The following CECR2 variants were observed in gnomAD, a reference collection of about 807,000 sequenced individuals.
CECR2 encodes chromatin remodeling regulator CECR2.
CECR2 carries 30 observed loss-of-function variants against 154.5 expected under a neutral mutation model. That is an observed-to-expected ratio of 0.19 (90% CI 0.15 to 0.26). The LOEUF (loss-of-function observed/expected upper bound fraction) is 0.26, where lower values mean the gene tolerates loss of function less well. Among genes scored for constraint, CECR2 ranks in the 10% least tolerant of loss-of-function variants. CECR2 has a pLI of 1.00. For synonymous variants in CECR2, 725 were observed against 683.7 expected, an observed-to-expected ratio of 1.06 and a Z score of -0.94; for missense variants, 1,743 against 1,829.3, an observed-to-expected ratio of 0.95 and a Z score of 0.86.
At chr22:17,419,685 TA>T in intron 1 of CECR2, 2 of 159,406 alleles carry the variant, frequency 1.3e-5, no homozygotes, top group South Asian at 2.6e-4. Context: ...CAGGCCTTCC[TA>T]AAAAATAGTG....
intron 3 of CECR2, among the ~76,000 whole-genome samples, chr22:17,498,721 T>G (rs2055678671): frequency 6.6e-6 from 1 of 152,122 alleles, no homozygotes; most frequent in Non-Finnish European, 1.5e-5. Context: ...GGGGCAAAGC[T>G]TGCCCCGTGC....
chr22:17,516,171 G>C (rs1463336330), intron 8 of CECR2, among the ~76,000 whole-genome samples: 1 of 152,072 alleles, frequency 6.6e-6, no homozygotes, highest in African/African-American at 2.4e-5. Context: ...CCAAAGAGGA[G>C]AGGGACAGAT....
chr22:17,451,121 C>T (rs1295146778), intron 1 of CECR2, among the ~76,000 whole-genome samples: 1 of 152,194 alleles, frequency 6.6e-6, no homozygotes, highest in Non-Finnish European at 1.5e-5. Flanking sequence ...GCTTCATCTA[C>T]CTGAAAGAAA....
chr22:17,388,613 G>A (rs1437046309), intron 1 of CECR2, among the ~76,000 whole-genome samples: 2 of 152,146 alleles, frequency 1.3e-5, no homozygotes, highest in Admixed American at 6.5e-5. Context: ...AGCTAGTGTC[G>A]TGGTATTAGA....
At chr22:17,414,463 T>G (rs2054125240) in intron 1 of CECR2, among the ~76,000 whole-genome samples, 1 of 151,554 alleles carries the variant, frequency 6.6e-6, no homozygotes, top group South Asian at 2.1e-4. Context: ...TTTCTTTTTT[T>G]TTTTTTTAGA....
intron 5 of CECR2, among the ~76,000 whole-genome samples, chr22:17,501,725 C>T (rs1047768442): frequency 6.6e-6 from 1 of 152,162 alleles, no homozygotes; most frequent in African/African-American, 2.4e-5. Context: ...ACACCTGTTT[C>T]CGGGTTTGTT....
At chr22:17,478,578 A>C (rs2055251072) in intron 2 of CECR2, among the ~76,000 whole-genome samples, 1 of 151,884 alleles carries the variant, frequency 6.6e-6, no homozygotes, top group African/African-American at 2.4e-5. Context: ...GATGGTCTCG[A>C]TCTCCCGACC....
At chr22:17,547,376 C>T (rs2056630429) in intron 16 of CECR2, among the ~76,000 whole-genome samples, 1 of 151,926 alleles carries the variant, frequency 6.6e-6, no homozygotes, top group Admixed American at 6.6e-5. Flanking sequence ...ACTGCAGGTG[C>T]CGGCCACCAC....
At chr22:17,402,370 C>T (rs969473012) in intron 1 of CECR2, among the ~76,000 whole-genome samples, 1 of 152,224 alleles carries the variant, frequency 6.6e-6, no homozygotes, top group Non-Finnish European at 1.5e-5. Context: ...CAGAGAAAGA[C>T]TTCATGTATA....
In CECR2 at chr22:17,494,980, A is replaced by G. The variant is rs549424827; in HGVS notation, c.222-2423A>G. On this transcript the variant is annotated intron_variant, in intron 2 of 18. Transcript: ENST00000262608. ...AGTGCTGGGATTACAGGCGTGAGCC[A>G]CCGCGCCCGGCAAACTGTTTAATTT... is the stretch of plus-strand genomic sequence containing the variant. Among the ~76,000 whole-genome samples the G allele has an allele frequency of 1.8e-3, 270 of 152,308 alleles. 1 individual carries two copies. Among genetic ancestry groups the G allele is most frequent in the African/African-American group, 6.2e-3 (258 of 41,572 alleles).
intron 1 of CECR2, among the ~76,000 whole-genome samples, chr22:17,463,654 G>A (rs569871804): frequency 1.3e-5 from 2 of 152,104 alleles, no homozygotes; most frequent in Non-Finnish European, 2.9e-5. Context: ...TCCAAAGCTC[G>A]GTTTGGTTCT....
At chr22:17,480,692 A>G (rs937635263) in intron 2 of CECR2, among the ~76,000 whole-genome samples, 4 of 152,200 alleles carry the variant, frequency 2.6e-5, no homozygotes, top group Non-Finnish European at 5.9e-5. Flanking sequence ...TTGGATAAGT[A>G]AATGTTTACC....
intron 1 of CECR2, among the ~76,000 whole-genome samples, chr22:17,410,480 C>T (rs2054052029): frequency 6.6e-6 from 1 of 151,982 alleles, no homozygotes; most frequent in Non-Finnish European, 1.5e-5. Context: ...GACAGTCTCT[C>T]TCTGTCGCCC....
intron 1 of CECR2, among the ~76,000 whole-genome samples, chr22:17,448,122 C>A (rs2518749): frequency 3.0e-4 from 45 of 152,008 alleles, no homozygotes; most frequent in Admixed American, 1.4e-3. Context: ...CTGCCGGTAA[C>A]GTCTGTATTT....
At chr22:17,531,036 A>G (rs1269693399) in intron 9 of CECR2, among the ~76,000 whole-genome samples, 1 of 152,166 alleles carries the variant, frequency 6.6e-6, no homozygotes, top group East Asian at 1.9e-4. Context: ...TTGTATGCTC[A>G]TTTGGGTGAT....
chr22:17,386,388 A>G (rs907940902), intron 1 of CECR2, among the ~76,000 whole-genome samples: 3 of 152,216 alleles, frequency 2.0e-5, no homozygotes, highest in Non-Finnish European at 2.9e-5. Context: ...TTCACAAAGA[A>G]TATATAGCGA....
intron 2 of CECR2, among the ~76,000 whole-genome samples, chr22:17,483,177 T>A (rs544098851): frequency 6.6e-6 from 1 of 152,366 alleles, no homozygotes; most frequent in East Asian, 1.9e-4. Flanking sequence ...CCTAGGCCGA[T>A]GTGTGTGTTT....
chr22:17,520,271 G>A (rs913042191), intron 8 of CECR2, among the ~76,000 whole-genome samples: 4 of 152,062 alleles, frequency 2.6e-5, no homozygotes, highest in African/African-American at 9.7e-5. Flanking sequence ...ATACACATAG[G>A]TAATTCTGTA....
At chr22:17,415,811 A>G (rs2146584638) in intron 1 of CECR2, among the ~76,000 whole-genome samples, 1 of 152,326 alleles carries the variant, frequency 6.6e-6, no homozygotes, top group East Asian at 1.9e-4. Context: ...ACTTTCATCT[A>G]CAAATAATTT....
Sources: allele counts gnomAD v4.1 joint callset (sites outside exome capture counted in the v4.1 genomes callset), GRCh38; gene constraint gnomAD v4.1.1; transcripts MANE v1.5; gene names NCBI Gene and HGNC (gene_info 2026-07-23, HGNC 2026-07-21).